Variants in GRID2 observed in about 807,000 individuals in gnomAD.
GRID2 encodes the protein glutamate ionotropic receptor delta type subunit 2.
A neutral mutation model predicts 114.8 loss-of-function variants in GRID2; 33 were observed. The ratio of observed to expected loss-of-function variants is 0.29; its 90% CI spans 0.22 to 0.38. GRID2 has a LOEUF of 0.38. Among genes scored for constraint, GRID2 ranks in the 10% least tolerant of loss-of-function variants. The pLI is 1.00. For synonymous variants in GRID2, 505 were observed against 449.9 expected (o/e 1.12, Z -1.55); for missense variants, 1,184 against 1,257.7 (o/e 0.94, Z 0.89).
chr4:93,187,244 T>C (rs1579231465), intron 4 of GRID2, among the ~76,000 whole-genome samples: 1 of 152,172 alleles, frequency 6.6e-6, no homozygotes, highest in East Asian at 1.9e-4. Context: ...ATGTAAAATA[T>C]ATTTATTCCA....
chr4:93,757,911 C>G (rs886366929), intron 14 of GRID2, among the ~76,000 whole-genome samples: 4 of 151,960 alleles, frequency 2.6e-5, no homozygotes, highest in Non-Finnish European at 4.4e-5. Flanking sequence ...GAGCCGAGAT[C>G]GCACCATTGT....
rs1480310909 is a variant in GRID2, at chr4:92,336,991, T to C, written c.88+32247T>C. Among the ~76,000 whole-genome samples, 4 of 143,726 alleles carry C rather than the reference T, an allele frequency of 2.8e-5. No individual in the cohort carries two copies. The Admixed American group carries it at 2.8e-4, about 10-fold the overall frequency. The allele number at this position is 143,726 out of a possible 152,430, so 94.3% of individuals were successfully genotyped here. On this transcript the variant is annotated intron_variant, in intron 1 of 15. Transcript: ENST00000282020. ...TTTTTTTTTTCATGAATTTTGCTTA[T>C]ACTTCACAGCATTTACCTCAGTAGA...
chr4:92,571,439 C>A (rs1384222555), intron 1 of GRID2, among the ~76,000 whole-genome samples: 1 of 152,090 alleles, frequency 6.6e-6, no homozygotes, highest in Non-Finnish European at 1.5e-5. Flanking sequence ...TAATGCGAGA[C>A]TTTAACACCC....
chr4:92,506,603 CT>C (rs112372430), intron 1 of GRID2, among the ~76,000 whole-genome samples: 7 of 151,422 alleles, frequency 4.6e-5, no homozygotes, highest in African/African-American at 1.7e-4. Context: ...TGAAAATTGT[CT>C]TTTTTTTATT....
intron 2 of GRID2, among the ~76,000 whole-genome samples, chr4:92,605,802 C>A (rs564609005): frequency 6.6e-6 from 1 of 152,186 alleles, no homozygotes; most frequent in Non-Finnish European, 1.5e-5. Flanking sequence ...TGCTTGTCAA[C>A]CATATTACTT....
intron 8 of GRID2, among the ~76,000 whole-genome samples, chr4:93,267,238 C>T (rs1184563692): frequency 4.0e-5 from 6 of 150,270 alleles, no homozygotes; most frequent in Non-Finnish European, 7.4e-5. Flanking sequence ...GCACATTGTG[C>T]AGGTTAGTTA....
chr4:93,226,182 C>T (rs1381079441), intron 7 of GRID2, among the ~76,000 whole-genome samples: 2 of 152,136 alleles, frequency 1.3e-5, no homozygotes, highest in African/African-American at 4.8e-5. Context: ...TTCATTCTAT[C>T]CCTATAGTTC....
At chr4:93,050,509 GGTGTGTGTGTGTGT>G (rs70942946) in intron 2 of GRID2, among the ~76,000 whole-genome samples, 112 of 144,118 alleles carry the variant, frequency 7.8e-4, no homozygotes, top group African/African-American at 1.5e-3. Context: ...AATAATACCT[GGTGTGTGTGTGTGT>G]GTGTGTGTGT....
At chr4:93,726,447 A>G (rs1729901444) in intron 14 of GRID2, among the ~76,000 whole-genome samples, 2 of 152,240 alleles carry the variant, frequency 1.3e-5, no homozygotes, top group Non-Finnish European at 2.9e-5. Context: ...CTTTTGGCTT[A>G]GGATTGACTT....
chr4:92,901,975 A>T (rs1237235636), intron 2 of GRID2, among the ~76,000 whole-genome samples: 2 of 152,006 alleles, frequency 1.3e-5, no homozygotes, highest in South Asian at 4.1e-4. Context: ...GTAGGACTCA[A>T]GTATGAATCC....
At chr4:92,629,501 G>T (rs949817288) in intron 2 of GRID2, among the ~76,000 whole-genome samples, 7 of 152,198 alleles carry the variant, frequency 4.6e-5, no homozygotes, top group African/African-American at 1.7e-4. Flanking sequence ...TTGCAGAAAG[G>T]TGTCAAAAGT....
At chr4:93,696,141 T>A (rs560658926) in intron 14 of GRID2, among the ~76,000 whole-genome samples, 1 of 152,336 alleles carries the variant, frequency 6.6e-6, no homozygotes, top group Non-Finnish European at 1.5e-5. Flanking sequence ...TGATGAAGTA[T>A]AACCTAAGAT....
chr4:92,393,242 T>A (rs2110264348), intron 1 of GRID2, among the ~76,000 whole-genome samples: 1 of 152,234 alleles, frequency 6.6e-6, no homozygotes, highest in Non-Finnish European at 1.5e-5. Context: ...CACAAGACCC[T>A]ACCTCCAGCT....
intron 2 of GRID2, among the ~76,000 whole-genome samples, chr4:92,744,078 A>C (rs1737027474): frequency 6.6e-6 from 1 of 152,164 alleles, no homozygotes; most frequent in Non-Finnish European, 1.5e-5. Flanking sequence ...TATGTTATAA[A>C]AGAGGGAAAT....
intron 2 of GRID2, among the ~76,000 whole-genome samples, chr4:92,685,212 G>A (rs1311657497): frequency 6.6e-6 from 1 of 152,028 alleles, no homozygotes; most frequent in African/African-American, 2.4e-5. Context: ...TGTCTACTCT[G>A]TGAAAACATT....
intron 4 of GRID2, among the ~76,000 whole-genome samples, chr4:93,196,817 G>A (rs562504413): frequency 1.5e-4 from 23 of 152,164 alleles, no homozygotes; most frequent in Admixed American, 4.6e-4. Context: ...GGGAAGTTTC[G>A]TTGTGATGAA....
At chr4:93,337,690 C>A (rs1335823523) in intron 8 of GRID2, among the ~76,000 whole-genome samples, 1 of 152,094 alleles carries the variant, frequency 6.6e-6, no homozygotes, top group Non-Finnish European at 1.5e-5. Flanking sequence ...CCTCTGCTCA[C>A]AAGATATACA....
chr4:92,407,289 T>C (rs922358152), intron 1 of GRID2, among the ~76,000 whole-genome samples: 2 of 152,112 alleles, frequency 1.3e-5, no homozygotes, highest in Non-Finnish European at 2.9e-5. Flanking sequence ...TACATAATAT[T>C]CCATGATGTA....
intron 3 of GRID2, among the ~76,000 whole-genome samples, chr4:93,088,456 A>T (rs1023078930): frequency 1.3e-5 from 2 of 152,124 alleles, no homozygotes; most frequent in Non-Finnish European, 2.9e-5. Context: ...TGTCTTTCTT[A>T]ATAGAGAAAA....
Sources: allele counts gnomAD v4.1 joint callset (sites outside exome capture counted in the v4.1 genomes callset), GRCh38; gene constraint gnomAD v4.1.1; transcripts MANE v1.5; gene names NCBI Gene and HGNC (gene_info 2026-07-23, HGNC 2026-07-21).